Variants in PHIP observed in about 807,000 individuals in gnomAD.
PHIP encodes PH-interacting protein.
PHIP carries 54 observed loss-of-function variants against 236.8 expected under a neutral mutation model. The ratio of observed to expected loss-of-function variants is 0.23; its 90% confidence interval spans 0.18 to 0.29. PHIP has a LOEUF of 0.29. Among genes scored for constraint, PHIP ranks in the 10% least tolerant of loss-of-function variants. PHIP has a pLI of 1.00. For synonymous variants in PHIP, 756 were observed against 718.9 expected (o/e 1.05, Z -0.83); for missense variants, 1,370 against 2,190.8 (o/e 0.63, Z 7.48).
intron 39 of PHIP, 125 bp from the exon 40 acceptor site, chr6:78,941,455 A>G (rs1475552910): frequency 1.7e-6 from 1 of 579,824 alleles, no homozygotes; most frequent in Non-Finnish European, 2.9e-6. Flanking sequence ...TTTTATTAAA[A>G]TGAGAAAAAA....
At chr6:79,075,543 A>T (rs1310091422) in intron 4 of PHIP, among the ~76,000 whole-genome samples, 2 of 151,774 alleles carry the variant, frequency 1.3e-5, no homozygotes, top group Non-Finnish European at 2.9e-5. Flanking sequence ...CAGACTAGGG[A>T]TAGAAATTCA....
intron 24 of PHIP, among the ~76,000 whole-genome samples, chr6:78,974,277 C>CT (rs1165546301): frequency 6.6e-6 from 1 of 152,000 alleles, no homozygotes; most frequent in Non-Finnish European, 1.5e-5. Context: ...TGAATGACTA[C>CT]TGGGTACATA....
chr6:79,058,846 G>A (rs1773206344), intron 6 of PHIP, among the ~76,000 whole-genome samples: 1 of 152,010 alleles, frequency 6.6e-6, no homozygotes, highest in Non-Finnish European at 1.5e-5. Context: ...TCCTTATTAT[G>A]TGGATCTATA....
In PHIP at chr6:79,019,381, A is replaced by G. The variant is rs539307359; in HGVS notation, c.924-222T>C. ...AGCTCCTTATTACACAACAATACGT[A>G]CATGGAACAATTCCAAATTCACTGT... On this transcript the variant is annotated intron_variant, in intron 9 of 39. Transcript: ENST00000275034. Among the ~76,000 whole-genome samples the G allele has an allele frequency of 2.4e-3, 368 of 152,246 alleles. 2 individuals carry two copies. The highest frequency in any genetic ancestry group is 4.3e-3 in the Non-Finnish European group (295 of 67,948).
At chr6:79,022,419 T>A (rs1475951641) in intron 9 of PHIP, among the ~76,000 whole-genome samples, 1 of 152,220 alleles carries the variant, frequency 6.6e-6, no homozygotes, top group Admixed American at 6.5e-5. Flanking sequence ...TCTGACATTA[T>A]ACCTCTAGTA....
intron 21 of PHIP, 58 bp from the exon 22 acceptor site, chr6:78,985,486 T>C (rs1768805958): frequency 1.2e-6 from 1 of 865,560 alleles, no homozygotes; most frequent in Non-Finnish European, 2.0e-6. Context: ...CATTTTATGA[T>C]TACAGAAAAT....
intron 24 of PHIP, among the ~76,000 whole-genome samples, chr6:78,973,954 T>G (rs1163345870): frequency 1.7e-4 from 26 of 151,940 alleles, no homozygotes; most frequent in Admixed American, 1.7e-3. Context: ...ACTGTCAACA[T>G]TAGACAGATC....
At chr6:78,946,480 C>T in intron 37 of PHIP, 1 of 1,397,164 alleles carries the variant, frequency 7.2e-7, no homozygotes, top group South Asian at 1.7e-5. Flanking sequence ...GATGCCATCA[C>T]TATCCTAAAA....
intron 4 of PHIP, among the ~76,000 whole-genome samples, chr6:79,065,652 A>G (rs1021800911): frequency 2.6e-5 from 4 of 151,624 alleles, no homozygotes; most frequent in African/African-American, 9.7e-5. Context: ...TCCTTTATTA[A>G]CTCAATATAT....
chr6:79,048,002 T>C (rs1772587312), intron 6 of PHIP, among the ~76,000 whole-genome samples: 1 of 150,270 alleles, frequency 6.7e-6, no homozygotes, highest in East Asian at 1.9e-4. Flanking sequence ...TATACATATG[T>C]ATTTTTTTTT....
chr6:79,008,012 G>C (rs769524663), intron 15 of PHIP, among the ~76,000 whole-genome samples: 25 of 152,024 alleles, frequency 1.6e-4, no homozygotes, highest in Non-Finnish European at 2.2e-4. Flanking sequence ...AATTAGCTGG[G>C]TGTGGTGGCG....
In PHIP at chr6:79,001,912, T is replaced by C. The variant is rs1562169385; in HGVS notation, c.1866A>G (p.Gly622=). Residue 622 remains glycine (G), a synonymous_variant, in exon 17 of 40, where the codon GGA becomes GGG. Transcript: ENST00000275034. ...CREEQLIPQM[G]VTSSGLNQVL... is the part of the protein sequence containing the mutation. ...ATGAGCACCTACCTGAGGAAGTTAC[T>C]CCCATCTGAGGGATGAGTTGCTCCT... 1.9e-6 allele frequency: 3 copies of C among 1,607,980 alleles called. No homozygotes were observed. Among genetic ancestry groups the C allele is most frequent in the African/African-American group, 1.3e-5 (1 of 74,862 alleles).
intron 7 of PHIP, among the ~76,000 whole-genome samples, chr6:79,037,703 A>G (rs1772009560): frequency 6.6e-6 from 1 of 152,236 alleles, no homozygotes; most frequent in South Asian, 2.1e-4. Flanking sequence ...GAAGTACAGT[A>G]GCAGAGAGGA....
intron 10 of PHIP, among the ~76,000 whole-genome samples, chr6:79,018,748 A>C (rs1428104154): frequency 6.6e-6 from 1 of 151,982 alleles, no homozygotes; most frequent in Non-Finnish European, 1.5e-5. Flanking sequence ...AAATCCATGA[A>C]AACATAAACC....
intron 9 of PHIP, among the ~76,000 whole-genome samples, chr6:79,023,137 G>A (rs1432834761): frequency 6.6e-6 from 1 of 152,152 alleles, no homozygotes; most frequent in East Asian, 1.9e-4. Flanking sequence ...ACAGTACAGT[G>A]GTGAGATCAC....
chr6:78,993,579 C>T (rs1028923808), intron 19 of PHIP, among the ~76,000 whole-genome samples: 1 of 152,218 alleles, frequency 6.6e-6, no homozygotes, highest in African/African-American at 2.4e-5. Context: ...TAAATATACT[C>T]ATCTTGTGCT....
In PHIP at chr6:79,006,223, TA is replaced by T. The variant is rs562097649; in HGVS notation, c.1525-2366del. ...AAAAGGTGCCTCTAACTTCATCAAT[TA>T]AAAGACCAACTCTCTATTTATTAAT... On this transcript the variant is annotated intron_variant, in intron 15 of 39. Transcript: ENST00000275034. 3.6e-3 allele frequency among the ~76,000 whole-genome samples: 553 copies of T among 152,104 alleles called. 17 individuals are homozygous for T. The highest frequency in any genetic ancestry group is 0.031 in the Admixed American group (474 of 15,262).
rs760760644 is a variant in PHIP at position 78,966,002 on chromosome 6, C to T, written c.3260G>A (p.Ser1087Asn). The change falls in exon 28 of 40, where the codon AGC becomes AAC. Residue 1087 changes from serine (S) to asparagine (N), a missense_variant. Ser to Asn is a conservative substitution (Grantham distance 46). Around this residue, in one of 14 missense-constraint regions of PHIP, gnomAD observed 238 missense variants for 398.5 expected, o/e 0.60. Transcript: ENST00000275034. Reference sequence around the variant, plus strand: ...GTACTCAAGTTGAAGAGGTTCCTGGCTTTCGATTGTTCCAAACCACCAGGC... The same window carrying T: ...GTACTCAAGTTGAAGAGGTTCCTGGTTTTCGATTGTTCCAAACCACCAGGC... ...DDAWWFGTIE[S>N]QEPLQLEYPD... 1.2e-6 allele frequency: 2 copies of T among 1,613,880 alleles called. No individual in the cohort carries two copies. The highest frequency in any genetic ancestry group is 2.2e-5 in the East Asian group (1 of 44,846).
At chr6:78,961,393 A>G (rs1766766571) in intron 31 of PHIP, among the ~76,000 whole-genome samples, 1 of 152,242 alleles carries the variant, frequency 6.6e-6, no homozygotes, top group South Asian at 2.1e-4. Context: ...AATACAATAT[A>G]AAGACAGTGA....
Sources: gnomAD v4.1 joint callset for allele counts (sites outside exome capture counted in the v4.1 genomes callset) on GRCh38, gnomAD v4.1.1 for gene constraint, gnomAD v4.1.1 regional missense constraint, MANE v1.5 for transcripts, NCBI Gene and HGNC (gene_info 2026-07-23, HGNC 2026-07-21) for gene names.